NACC2: variants seen among roughly 807,000 people sequenced by gnomAD.
NACC2 encodes NACC family member 2.
NACC2 carries 8 observed loss-of-function variants against 25.1 expected under a neutral mutation model. The ratio of observed to expected loss-of-function variants is 0.32; its 90% CI spans 0.19 to 0.57. The LOEUF is 0.57. Among genes scored for constraint, NACC2 ranks in the 20% least tolerant of loss-of-function variants. NACC2 has a pLI of 0.89. For missense variants in NACC2, 644 were observed against 650.2 expected, an observed-to-expected ratio of 0.99 and a Z score of 0.10; for synonymous variants, 435 against 294.7, an observed-to-expected ratio of 1.48 and a Z score of -4.88.
In NACC2 at chr9:136,022,710, G is replaced by A. The variant is rs913131242; in HGVS notation, c.887-6281C>T. Among the ~76,000 whole-genome samples, 1 of 152,130 alleles carries A rather than the reference G, an allele frequency of 6.6e-6. No homozygotes were observed. The highest frequency in any genetic ancestry group is 1.5e-5 in the Non-Finnish European group (1 of 68,036). ...AACACACAGGGCCCATCAACTACCA[G>A]TGCTGGCTGGGGCAGTGCCTCTGTC... On this transcript the variant is annotated intron_variant, in intron 2 of 5. Transcript: ENST00000277554. This position sits in a 1 kb window ranked among gnomAD's most constrained non-coding sequence, Gnocchi z 4.4.
rs546867681 is a variant in NACC2 at position 136,086,005 on chromosome 9, G to A, written c.-60+9184C>T. Among the ~76,000 whole-genome samples, 1,444 of 151,912 alleles carry A rather than the reference G, an allele frequency of 9.5e-3. 20 individuals carry two copies. The highest frequency in any genetic ancestry group is 0.032 in the African/African-American group (1,341 of 41,394). Reference sequence around the variant, plus strand: ...TGGCAGAGCCCAGAGACTGGGCACCGCGCAGGGCAGCTCCGATGGGAGGGG... The same window carrying A: ...TGGCAGAGCCCAGAGACTGGGCACCACGCAGGGCAGCTCCGATGGGAGGGG... On this transcript the variant is annotated intron_variant, in intron 1 of 5. Coordinates refer to ENST00000277554, the MANE Select transcript of NACC2 (RefSeq NM_144653.5). This position sits in a 1 kb window ranked among gnomAD's most constrained non-coding sequence, Gnocchi z 5.6.
At chr9:136,079,469 G>C (rs1041225188) in intron 1 of NACC2, among the ~76,000 whole-genome samples, 1 of 152,224 alleles carries the variant, frequency 6.6e-6, no homozygotes, top group Admixed American at 6.5e-5. Context: ...CAGGCCCCAG[G>C]CTGTACAGGC....
Position 136,061,833 on chromosome 9 carries a change from T to C in NACC2, c.-59-11253A>G, listed in dbSNP as rs74312194. 1.4e-3 allele frequency among the ~76,000 whole-genome samples: 210 copies of C among 152,096 alleles called. 4 individuals are homozygous for C. The East Asian group carries it at 0.038, about 28-fold the overall frequency. On this transcript the variant is annotated intron_variant, in intron 1 of 5. Transcript: ENST00000277554. ...GTACAGAGCAGGCCATTACGAAAAG[T>C]TGGTGGCCGGGCGCGGTGGCTCACA...
chr9:136,073,602 G>T (rs1830222906), intron 1 of NACC2, among the ~76,000 whole-genome samples: 1 of 151,948 alleles, frequency 6.6e-6, no homozygotes, highest in African/African-American at 2.4e-5. Context: ...AAAGAGAACA[G>T]GAAAAGACAA....
chr9:136,089,466 G>C (rs914380365), intron 1 of NACC2, among the ~76,000 whole-genome samples: 4 of 152,100 alleles, frequency 2.6e-5, no homozygotes, highest in African/African-American at 9.6e-5. Context: ...TGCTCTGCCT[G>C]AGCCTCCATG....
At chr9:136,042,133 C>T (rs937209566) in intron 2 of NACC2, among the ~76,000 whole-genome samples, 1 of 152,080 alleles carries the variant, frequency 6.6e-6, no homozygotes, top group African/African-American at 2.4e-5. Context: ...GGACTACAGG[C>T]GCATGCCACC....
At position 136,055,878 on chromosome 9, in the gene NACC2, G is replaced by A. The variant is rs761102710; in HGVS notation, c.-59-5298C>T. ...ATCTCCTAAAAGGTCAATCGAAGGCGCTCCTGGAGCGTGAGAAGGTGTGGG... is the reference window on the plus strand; with the variant it reads ...ATCTCCTAAAAGGTCAATCGAAGGCACTCCTGGAGCGTGAGAAGGTGTGGG... On this transcript the variant is annotated intron_variant, in intron 1 of 5. Coordinates refer to ENST00000277554, the MANE Select transcript of NACC2 (RefSeq NM_144653.5). This position sits in a 1 kb window ranked among gnomAD's most constrained non-coding sequence, Gnocchi z 4.9. Among the ~76,000 whole-genome samples, 4 of 152,150 alleles carry A rather than the reference G, an allele frequency of 2.6e-5. No individual in the cohort carries two copies. Among genetic ancestry groups the A allele is most frequent in the African/African-American group, 4.8e-5 (2 of 41,428 alleles).
intron 1 of NACC2, among the ~76,000 whole-genome samples, chr9:136,069,584 A>G (rs1456561442): frequency 6.6e-6 from 1 of 151,522 alleles, no homozygotes; most frequent in Admixed American, 6.6e-5. Flanking sequence ...AAAACAAAAA[A>G]AACACCTCAC....
intron 2 of NACC2, among the ~76,000 whole-genome samples, chr9:136,026,129 T>G (rs1357032193): frequency 6.6e-6 from 1 of 151,672 alleles, no homozygotes; most frequent in African/African-American, 2.4e-5. Flanking sequence ...CACTTGAGGT[T>G]AGGAGTTCGA....
At position 136,011,556 on chromosome 9, in the gene NACC2, G is replaced by A. The variant is rs774291926; in HGVS notation, c.1724C>T (p.Ala575Val). 4.6e-5 allele frequency: 65 copies of A among 1,405,586 alleles called. No individual in the cohort carries two copies. In the South Asian group the frequency reaches 8.4e-4, roughly 18 times the overall value. 87.1% of individuals were successfully genotyped at this position (1,405,586 alleles called of 1,614,324 possible). A position where few individuals can be genotyped will look rare whatever the true frequency, so the allele number is the denominator to read the frequency against. ...ATAGGTGCCCTCCGGCCTCCGGGCC[G>A]CGGCCGCCGGCGTCTGGGGCCTGCT... ...GPSRPQTPAA[A>V]ARRPEGTYAG... Residue 575 changes from alanine to valine, a missense_variant, in exon 6 of 6, where the codon GCG (alanine) becomes GTG (valine). Physicochemically the swap from Ala to Val is moderately conservative, Grantham distance 64 (BLOSUM62 0). Coordinates refer to ENST00000277554, the MANE Select transcript of NACC2 (RefSeq NM_144653.5).
intron 2 of NACC2, among the ~76,000 whole-genome samples, chr9:136,023,175 A>G (rs4841906): frequency 0.73 from 93,112 of 128,308 alleles, 34,160 homozygotes; most frequent in African/African-American, 0.76. Context: ...GGTCTCCTGG[A>G]AACCCGGATG....
At chr9:136,093,016 T>A (rs1830448597) in intron 1 of NACC2, among the ~76,000 whole-genome samples, 1 of 152,092 alleles carries the variant, frequency 6.6e-6, no homozygotes, top group African/African-American at 2.4e-5. Context: ...CCACTGACGG[T>A]GGCTGGGGCC....
intron 1 of NACC2, among the ~76,000 whole-genome samples, chr9:136,070,205 G>A (rs2131177687): frequency 6.6e-6 from 1 of 151,990 alleles, no homozygotes; most frequent in South Asian, 2.1e-4. Context: ...CAAAGAAGAA[G>A]TCTCAAGAAA....
In NACC2 at chr9:136,019,803, G is replaced by A. The variant is rs926179766; in HGVS notation, c.887-3374C>T. The stretch of plus-strand genomic sequence containing the variant: ...CAGGGACCCAGAAGGAGCCCCCGCC[G>A]TACCTTCCAGGCCCTTCTGCTCCCA... On this transcript the variant is annotated intron_variant, in intron 2 of 5. Coordinates refer to ENST00000277554, the MANE Select transcript of NACC2 (RefSeq NM_144653.5). The surrounding 1 kb of genome is among the most constrained non-coding windows in gnomAD (Gnocchi z 5.2). Among the ~76,000 whole-genome samples, 2 of 152,140 alleles carry A rather than the reference G, an allele frequency of 1.3e-5. No individual in the cohort carries two copies. Among genetic ancestry groups the A allele is most frequent in the African/African-American group, 2.4e-5 (1 of 41,438 alleles).
rs1588571767 is a variant in NACC2, at chr9:136,050,384, C to T, written c.138G>A (p.Ala46=). The change falls in exon 2 of 6, where the codon GCG becomes GCA. Residue 46 remains alanine, a synonymous_variant. Transcript: ENST00000277554. ...VKGQAFKAHR[A]VLAASSLYFR... ...AGTAGAGGCTGCTGGCGGCCAGCACCGCCCGGTGGGCCTTGAAGGCCTGGC... is the reference window on the plus strand; with the variant it reads ...AGTAGAGGCTGCTGGCGGCCAGCACTGCCCGGTGGGCCTTGAAGGCCTGGC... The T allele has an allele frequency of 1.3e-6, 1 of 754,412 alleles. No homozygotes were observed. 46.7% of individuals were successfully genotyped at this position (754,412 alleles called of 1,614,324 possible).
intron 5 of NACC2, 99 bp from the exon 6 acceptor site, chr9:136,012,123 G>A (rs1050679856): frequency 4.6e-5 from 64 of 1,387,876 alleles, no homozygotes; most frequent in South Asian, 2.0e-4. Flanking sequence ...GAGCCTCCCC[G>A]GCCGCTCCTG....
chr9:136,028,794 T>C (rs1840433575), intron 2 of NACC2, among the ~76,000 whole-genome samples: 1 of 152,236 alleles, frequency 6.6e-6, no homozygotes, highest in South Asian at 2.1e-4. Flanking sequence ...TCCTGCTGCC[T>C]GGCCCTCTCC....
chr9:136,085,212 C>T (rs1328168510), intron 1 of NACC2, among the ~76,000 whole-genome samples: 1 of 118,418 alleles, frequency 8.4e-6, no homozygotes, highest in Non-Finnish European at 1.6e-5. Flanking sequence ...TGCAGTGGTG[C>T]CATCTCAGCT....
intron 1 of NACC2, among the ~76,000 whole-genome samples, chr9:136,071,833 G>A (rs903372710): frequency 2.0e-5 from 3 of 152,104 alleles, no homozygotes; most frequent in African/African-American, 4.8e-5. Context: ...TAAAAAAGAG[G>A]CAAAAGCAAT....
Sources: gnomAD v4.1 joint callset for allele counts (sites outside exome capture counted in the v4.1 genomes callset) on GRCh38, gnomAD v4.1.1 for gene constraint, Gnocchi (gnomAD v3.1) non-coding constraint, MANE v1.5 for transcripts, NCBI Gene and HGNC (gene_info 2026-07-23, HGNC 2026-07-21) for gene names.